The following ALK variants were observed in gnomAD, a reference collection of about 807,000 sequenced individuals.
ALK encodes the protein ALK tyrosine kinase receptor.
ALK carries 74 observed loss-of-function variants against 163.1 expected under a neutral mutation model. The ratio of observed to expected loss-of-function variants is 0.45; its 90% CI spans 0.38 to 0.55. The LOEUF (loss-of-function observed/expected upper bound fraction) is 0.55. ALK is among the 20% of genes least tolerant of loss of function. ALK has a pLI of 0.00. For missense variants in ALK, 2,063 were observed against 2,105.3 expected (o/e 0.98, Z 0.39); for synonymous variants, 960 against 843.2 (o/e 1.14, Z -2.40).
At chr2:29,443,944 T>C (rs1670607125) in intron 4 of ALK, among the ~76,000 whole-genome samples, 1 of 152,244 alleles carries the variant, frequency 6.6e-6, no homozygotes. Flanking sequence ...CTCCAGGTTG[T>C]AATTTTATTT....
chr2:29,729,427 C>T (rs925603778), intron 1 of ALK, among the ~76,000 whole-genome samples: 12 of 152,036 alleles, frequency 7.9e-5, no homozygotes, highest in African/African-American at 2.7e-4. Context: ...AGGGAAGAAA[C>T]GTGGTGGGGG....
At chr2:29,659,190 G>C (rs1677276971) in intron 3 of ALK, among the ~76,000 whole-genome samples, 1 of 152,188 alleles carries the variant, frequency 6.6e-6, no homozygotes, top group South Asian at 2.1e-4. Context: ...GGAGTGATAG[G>C]GATCCTCTAA....
At chr2:29,412,225 C>T (rs1040086266) in intron 4 of ALK, among the ~76,000 whole-genome samples, 2 of 152,174 alleles carry the variant, frequency 1.3e-5, no homozygotes, top group African/African-American at 4.8e-5. Flanking sequence ...CAATAGTGAA[C>T]AAAATCTTGA....
rs79309332 is a variant in ALK at position 29,233,314 on chromosome 2, T to A, written c.2487+251A>T. ...CAAGCCACCAAAACTGGCTAATTTTTAAATTTTTTTTGGTAGAGACAACGT... is the reference window on the plus strand; with the variant it reads ...CAAGCCACCAAAACTGGCTAATTTTAAAATTTTTTTTGGTAGAGACAACGT... On this transcript the variant is annotated intron_variant, in intron 14 of 28. Coordinates refer to ENST00000389048, the MANE Select transcript of ALK (RefSeq NM_004304.5). Among the ~76,000 whole-genome samples, 7,878 of 152,156 alleles carry A rather than the reference T, an allele frequency of 0.052. 220 individuals carry two copies. Among genetic ancestry groups the A allele is most frequent in the Non-Finnish European group, 0.06 (4,063 of 67,970 alleles).
intron 4 of ALK, among the ~76,000 whole-genome samples, chr2:29,514,150 G>C (rs532776146): frequency 1.4e-5 from 2 of 141,630 alleles, no homozygotes; most frequent in East Asian, 4.2e-4. Context: ...CCATTACTGG[G>C]TATATATCCA....
chr2:29,697,662 G>A (rs1369909014), intron 2 of ALK, among the ~76,000 whole-genome samples: 1 of 152,184 alleles, frequency 6.6e-6, no homozygotes, highest in Admixed American at 6.5e-5. Context: ...GATAGATATT[G>A]GACAGACAAT....
chr2:29,520,656 G>T (rs1045976995), intron 4 of ALK, among the ~76,000 whole-genome samples: 1 of 152,178 alleles, frequency 6.6e-6, no homozygotes, highest in African/African-American at 2.4e-5. Context: ...AAGACCTATT[G>T]TTCTTGATGG....
At chr2:29,198,974 T>A (rs1231854529) in intron 26 of ALK, among the ~76,000 whole-genome samples, 4 of 151,698 alleles carry the variant, frequency 2.6e-5, no homozygotes, top group Non-Finnish European at 4.4e-5. Flanking sequence ...TTTTTTTTTT[T>A]ATGTAGTCTC....
intron 4 of ALK, among the ~76,000 whole-genome samples, chr2:29,479,104 G>A (rs1302150539): frequency 6.6e-6 from 1 of 152,180 alleles, no homozygotes; most frequent in Admixed American, 6.5e-5. Context: ...TCATCTTGGA[G>A]AGAAAGGGAG....
chr2:29,764,650 C>G (rs1031387822), intron 1 of ALK, among the ~76,000 whole-genome samples: 26 of 152,144 alleles, frequency 1.7e-4, no homozygotes, highest in African/African-American at 6.3e-4. Flanking sequence ...TTAGGGTGGG[C>G]AGGGACTCCC....
At position 29,479,107 on chromosome 2, in the gene ALK, A is replaced by T. The variant is rs1025246744; in HGVS notation, c.1154+52808T>A. ...TGGGCAGCCTGATCATCTTGGAGAG[A>T]AAGGGAGTGTGTTAGAGAGAGCTCT... On this transcript the variant is annotated intron_variant, in intron 4 of 28. Coordinates refer to ENST00000389048, the MANE Select transcript of ALK (RefSeq NM_004304.5). 6.2e-4 allele frequency among the ~76,000 whole-genome samples: 94 copies of T among 152,240 alleles called. 1 individual carries two copies. Among genetic ancestry groups the T allele is most frequent in the Non-Finnish European group, 8.5e-4 (58 of 68,022 alleles).
intron 1 of ALK, among the ~76,000 whole-genome samples, chr2:29,904,632 T>C (rs1440440564): frequency 6.6e-6 from 1 of 152,194 alleles, no homozygotes; most frequent in Non-Finnish European, 1.5e-5. Flanking sequence ...AAGAACCCTA[T>C]AAAGCAAGTA....
chr2:29,566,202 A>G (rs764823067), intron 3 of ALK, among the ~76,000 whole-genome samples: 2 of 152,232 alleles, frequency 1.3e-5, no homozygotes, highest in East Asian at 1.9e-4. Context: ...GCCATTCACC[A>G]TGGCCAAATC....
At chr2:29,690,041 G>A (rs1037813372) in intron 3 of ALK, among the ~76,000 whole-genome samples, 1 of 152,210 alleles carries the variant, frequency 6.6e-6, no homozygotes, top group Non-Finnish European at 1.5e-5. Context: ...AATTTCTGTT[G>A]TTTAAGCCAT....
At chr2:29,422,777 C>T (rs551108989) in intron 4 of ALK, among the ~76,000 whole-genome samples, 2 of 152,238 alleles carry the variant, frequency 1.3e-5, no homozygotes, top group South Asian at 2.1e-4. Context: ...GGTTATTGTT[C>T]CTTAAGGGGT....
chr2:29,677,661 T>A (rs1255536029), intron 3 of ALK, among the ~76,000 whole-genome samples: 1 of 152,054 alleles, frequency 6.6e-6, no homozygotes, highest in Non-Finnish European at 1.5e-5. Context: ...ATCCTTTTCA[T>A]CCGTTGCTAA....
chr2:29,920,686 C>T lies in ALK; in HGVS notation c.-27G>A, dbSNP rs1267358746. ...CCGCCGGAGGAGGCCGTTTACACTGCTCTCCGGGCCCAGCCTCACCCTTCG... is the reference window on the plus strand; with the variant it reads ...CCGCCGGAGGAGGCCGTTTACACTGTTCTCCGGGCCCAGCCTCACCCTTCG... On this transcript the variant is annotated 5_prime_UTR_variant, in exon 1 of 29. Transcript: ENST00000389048. The T allele has an allele frequency of 5.3e-6, 8 of 1,523,606 alleles. No individual in the cohort carries two copies. The highest frequency in any genetic ancestry group is 2.3e-4 in the Middle Eastern group (1 of 4,348). The allele number at this position is 1,523,606 out of a possible 1,614,324, so 94.4% of individuals were successfully genotyped here. A position where few individuals can be genotyped will look rare whatever the true frequency, so the allele number is the denominator to read the frequency against.
intron 5 of ALK, among the ~76,000 whole-genome samples, chr2:29,359,178 T>C (rs767105157): frequency 2.0e-5 from 3 of 152,078 alleles, no homozygotes; most frequent in Non-Finnish European, 4.4e-5. Flanking sequence ...TAAAGGAGCC[T>C]TTAGAAAAAC....
chr2:29,400,990 CA>C (rs537510477), intron 4 of ALK, among the ~76,000 whole-genome samples: 99 of 151,312 alleles, frequency 6.5e-4, no homozygotes, highest in African/African-American at 2.4e-3. Context: ...AAAAAAAAAG[CA>C]GATGTTTTTG....
Sources: gnomAD v4.1 joint callset for allele counts (sites outside exome capture counted in the v4.1 genomes callset) on GRCh38, gnomAD v4.1.1 for gene constraint, MANE v1.5 for transcripts, NCBI Gene and HGNC (gene_info 2026-07-23, HGNC 2026-07-21) for gene names.